ARF4: variants seen among roughly 807,000 people sequenced by gnomAD.
ARF4 encodes ARF GTPase 4, also known as ADP-ribosylation factor 4.
A neutral mutation model predicts 24.3 loss-of-function variants in ARF4; 5 were observed. The observed-to-expected ratio is 0.21, with a 90% CI of 0.11 to 0.43. ARF4 has a LOEUF of 0.43. ARF4 is among the 20% of genes least tolerant of loss of function. ARF4 has a pLI of 1.00. For synonymous variants in ARF4, 62 were observed against 73.5 expected (o/e 0.84, Z 0.80); for missense variants, 107 against 213.0 (o/e 0.50, Z 3.10).
rs1013860857 is a variant in ARF4 at position 57,571,698 on chromosome 3, G to A, written c.*514C>T. 1.3e-5 allele frequency: 2 copies of A among 153,160 alleles called. No homozygotes were observed. Among genetic ancestry groups the A allele is most frequent in the African/African-American group, 2.4e-5 (1 of 41,462 alleles). The allele number at this position is 153,160 out of a possible 1,614,324, so 9.5% of individuals were successfully genotyped here. ...CTGATGTAGGCCAGGAGTCAATGTA[G>A]GGGGAAAAATTTCCTCAGTGCAAGA... On this transcript the variant is annotated 3_prime_UTR_variant, in exon 6 of 6. Coordinates refer to ENST00000303436, the MANE Select transcript of ARF4 (RefSeq NM_001660.4).
chr3:57,596,361 A>G (rs4340676), intron 1 of ARF4, among the ~76,000 whole-genome samples: 125,501 of 152,172 alleles, frequency 0.82, 52,065 homozygotes, highest in East Asian at 1. Context: ...AAATAAGCTT[A>G]AAAACCTAGG....
intron 2 of ARF4, 136 bp from the exon 3 acceptor site, chr3:57,584,143 A>AAC (rs1343821186): frequency 1.4e-6 from 1 of 727,810 alleles, no homozygotes; most frequent in East Asian, 2.7e-5. Context: ...CCTAAACATC[A>AAC]ACAGAGACAA....
rs138097782 is a variant in ARF4 at position 57,586,141 on chromosome 3, T to C, written c.68-1677A>G. 1.2e-4 allele frequency among the ~76,000 whole-genome samples: 18 copies of C among 152,338 alleles called. No homozygotes were observed. The East Asian group carries it at 3.1e-3, about 26-fold the overall frequency. ...AACCTGAATATTCTGCAGTGTTTGC[T>C]AAAGCCCTCATAAATGAAAGATCAA... On this transcript the variant is annotated intron_variant, in intron 1 of 5. Coordinates refer to ENST00000303436, the MANE Select transcript of ARF4 (RefSeq NM_001660.4).
In ARF4 at chr3:57,597,193, C is replaced by T; in HGVS notation, c.-53G>A. On this transcript the variant is annotated 5_prime_UTR_variant, in exon 1 of 6. Transcript: ENST00000303436. ...AAGCAGAAGGGGTTTGGGGCGACCC[C>T]GTGCTTTCTCCTTTCAAGCTCCCAG... 1.3e-6 allele frequency: 2 copies of T among 1,540,756 alleles called. No homozygotes were observed. Among genetic ancestry groups the T allele is most frequent in the South Asian group, 1.1e-5 (1 of 88,564 alleles).
At chr3:57,595,173 C>T (rs1575790403) in intron 1 of ARF4, among the ~76,000 whole-genome samples, 1 of 152,082 alleles carries the variant, frequency 6.6e-6, no homozygotes, top group African/African-American at 2.4e-5. Flanking sequence ...TATGAAAATG[C>T]TGGTAGCATA....
intron 1 of ARF4, among the ~76,000 whole-genome samples, chr3:57,586,488 C>T (rs759477490): frequency 6.6e-6 from 1 of 152,150 alleles, no homozygotes; most frequent in Non-Finnish European, 1.5e-5. Context: ...CTACTCTGTA[C>T]CCTACCAAGA....
intron 1 of ARF4, among the ~76,000 whole-genome samples, chr3:57,596,294 G>A (rs918938822): frequency 6.6e-6 from 1 of 152,098 alleles, no homozygotes. Flanking sequence ...AATTTATCAG[G>A]TATTTTTTAA....
intron 1 of ARF4, among the ~76,000 whole-genome samples, chr3:57,584,913 G>A (rs1372625105): frequency 6.6e-6 from 1 of 152,126 alleles, no homozygotes; most frequent in African/African-American, 2.4e-5. Flanking sequence ...GTCCAGGCGG[G>A]AGTGAAGTGG....
At chr3:57,596,549 T>C (rs1411155742) in intron 1 of ARF4, 1 of 152,916 alleles carries the variant, frequency 6.5e-6, no homozygotes, top group East Asian at 1.9e-4. Flanking sequence ...CCTTGGGTGC[T>C]CCCTGGCCAC....
chr3:57,577,291 G>A (rs1171177085), intron 4 of ARF4, 25 bp downstream of exon 4: 3 of 1,586,434 alleles, frequency 1.9e-6, no homozygotes, highest in Non-Finnish European at 1.7e-6. Context: ...CCTTGAAAAT[G>A]ATGAATTTAA....
At chr3:57,582,678 T>A (rs1160863488) in intron 3 of ARF4, among the ~76,000 whole-genome samples, 1 of 152,210 alleles carries the variant, frequency 6.6e-6, no homozygotes, top group East Asian at 1.9e-4. Context: ...ATGCAATGTT[T>A]TAAGAGGCTG....
chr3:57,574,011 G>A (rs914815776), intron 5 of ARF4, among the ~76,000 whole-genome samples: 4 of 151,840 alleles, frequency 2.6e-5, no homozygotes, highest in Admixed American at 1.3e-4. Flanking sequence ...GCGTGATCTC[G>A]GCTCACTGCA....
chr3:57,594,808 GATCT>G (rs2070161460), intron 1 of ARF4, among the ~76,000 whole-genome samples: 1 of 152,152 alleles, frequency 6.6e-6, no homozygotes, highest in Admixed American at 6.5e-5. Flanking sequence ...CTTTAAAAGT[GATCT>G]ATTATTTTTG....
At chr3:57,587,519 G>A (rs906868987) in intron 1 of ARF4, among the ~76,000 whole-genome samples, 3 of 151,386 alleles carry the variant, frequency 2.0e-5, no homozygotes, top group African/African-American at 7.3e-5. Flanking sequence ...TCTACTGATA[G>A]GAATTTTTTT....
rs566171791 is a variant in ARF4 at position 57,572,046 on chromosome 3, T to C, written c.*166A>G. ...CTTTAAAACCAAGCACATTGCTAAA[T>C]AGCAACATTATACTCGGTAAACAAT... On this transcript the variant is annotated 3_prime_UTR_variant, in exon 6 of 6. Transcript: ENST00000303436. 12 of 548,230 alleles carry C rather than the reference T, an allele frequency of 2.2e-5. No individual in the cohort carries two copies. Among genetic ancestry groups the C allele is most frequent in the Non-Finnish European group, 3.9e-5 (12 of 307,842 alleles). 34.0% of individuals were successfully genotyped at this position (548,230 alleles called of 1,614,324 possible).
intron 3 of ARF4, among the ~76,000 whole-genome samples, chr3:57,578,800 C>T (rs570152242): frequency 1.3e-5 from 2 of 149,186 alleles, no homozygotes; most frequent in Non-Finnish European, 3.0e-5. Flanking sequence ...TTCTATACTA[C>T]AAAATAAATG....
chr3:57,575,628 T>G lies in ARF4; in HGVS notation c.376A>C (p.Asn126His). ...LRDAVLLLFA[N>H]KQDLPNAMAI... Reference sequence around the variant, plus strand: ...ATAGCATTTGGCAAATCCTGTTTGTTTGCAAAAAGTAGCAGCACTGCATCT... The same window carrying G: ...ATAGCATTTGGCAAATCCTGTTTGTGTGCAAAAAGTAGCAGCACTGCATCT... Residue 126 changes from asparagine to histidine, a missense_variant, in exon 5 of 6, where the codon AAC becomes CAC. Physicochemically the swap from Asn to His is moderately conservative, Grantham distance 68. Coordinates refer to ENST00000303436, the MANE Select transcript of ARF4 (RefSeq NM_001660.4). 6.2e-7 allele frequency: 1 copy of G among 1,613,520 alleles called. No homozygotes were observed. The highest frequency in any genetic ancestry group is 8.5e-7 in the Non-Finnish European group (1 of 1,179,816).
At chr3:57,583,768 T>C in intron 3 of ARF4, 130 bp downstream of exon 3, 1 of 685,344 alleles carries the variant, frequency 1.5e-6, no homozygotes, top group Non-Finnish European at 2.5e-6. Flanking sequence ...CTGAAGAATG[T>C]GGAAGTGGTG....
intron 3 of ARF4, among the ~76,000 whole-genome samples, chr3:57,579,355 TCAGCTCACTG>T (rs2069944372): frequency 6.7e-6 from 1 of 149,340 alleles, no homozygotes; most frequent in African/African-American, 2.4e-5. Flanking sequence ...TGGTGCCATC[TCAGCTCACTG>T]CAAACCCCTC....
Sources: allele counts gnomAD v4.1 joint callset (sites outside exome capture counted in the v4.1 genomes callset), GRCh38; gene constraint gnomAD v4.1.1; transcripts MANE v1.5; gene names NCBI Gene and HGNC (gene_info 2026-07-23, HGNC 2026-07-21).